AGPAT3: variants seen among roughly 807,000 people sequenced by gnomAD.
The protein encoded by AGPAT3 is 1-acyl-sn-glycerol-3-phosphate acyltransferase gamma.
A neutral mutation model predicts 47.3 loss-of-function variants in AGPAT3; 5 were observed. The observed-to-expected ratio is 0.11, with a 90% CI of 0.06 to 0.22. The LOEUF is 0.22. AGPAT3 is among the 10% of genes least tolerant of loss of function. The pLI is 1.00. For synonymous variants in AGPAT3, 212 were observed against 208.3 expected, an observed-to-expected ratio of 1.02 and a Z score of -0.15; for missense variants, 315 against 493.0, an observed-to-expected ratio of 0.64 and a Z score of 3.42.
chr21:43,889,069 A>C (rs745961558), intron 1 of AGPAT3, among the ~76,000 whole-genome samples: 8 of 152,058 alleles, frequency 5.3e-5, no homozygotes, highest in Non-Finnish European at 8.8e-5. Flanking sequence ...TATTTCTTTA[A>C]CTTTTAGATT....
intron 1 of AGPAT3, among the ~76,000 whole-genome samples, chr21:43,872,305 C>T (rs773073411): frequency 5.3e-5 from 8 of 151,976 alleles, no homozygotes; most frequent in African/African-American, 1.2e-4. Context: ...TTCAGCCTCC[C>T]GAGTAGCTGA....
intron 1 of AGPAT3, among the ~76,000 whole-genome samples, chr21:43,898,224 C>A (rs1289713419): frequency 6.6e-6 from 1 of 152,218 alleles, no homozygotes; most frequent in Non-Finnish European, 1.5e-5. Context: ...TTAAATGTAG[C>A]TGCAGATATT....
At chr21:43,866,439 C>G (rs1569036030) in intron 1 of AGPAT3, among the ~76,000 whole-genome samples, 1 of 152,148 alleles carries the variant, frequency 6.6e-6, no homozygotes. Flanking sequence ...GATCCTGCAG[C>G]TTTTAAATTG....
chr21:43,980,065 G>A (rs1280913794), intron 8 of AGPAT3, among the ~76,000 whole-genome samples: 5 of 152,012 alleles, frequency 3.3e-5, no homozygotes, highest in South Asian at 2.1e-4. Flanking sequence ...GGTGGATCAC[G>A]AGATCAGGAG....
intron 7 of AGPAT3, among the ~76,000 whole-genome samples, chr21:43,972,867 G>T (rs2089455187): frequency 6.6e-6 from 1 of 152,226 alleles, no homozygotes; most frequent in Non-Finnish European, 1.5e-5. Flanking sequence ...GTGCGGAAAG[G>T]CAGGGCCCTC....
At position 43,922,559 on chromosome 21, in the gene AGPAT3, G is replaced by A. The variant is rs1464576220; in HGVS notation, c.-49+18540G>A. Among the ~76,000 whole-genome samples the A allele has an allele frequency of 6.6e-6, 1 of 152,214 alleles. No individual in the cohort carries two copies. Among genetic ancestry groups the A allele is most frequent in the Admixed American group, 6.5e-5 (1 of 15,290 alleles). ...TGTCCCTGGAAGAGAGGCCTGCATG[G>A]CAGGGGGCACAGAGACTCTGGGCCT... On this transcript the variant is annotated intron_variant, in intron 2 of 9. Transcript: ENST00000291572. The surrounding 1 kb of genome is among the most constrained non-coding windows in gnomAD (Gnocchi z 4.9).
chr21:43,921,632 T>A (rs1000607720), intron 2 of AGPAT3, among the ~76,000 whole-genome samples: 1 of 152,152 alleles, frequency 6.6e-6, no homozygotes, highest in East Asian at 1.9e-4. Flanking sequence ...TTCCTGCGGG[T>A]GAGACTCTGG....
At chr21:43,915,911 T>A (rs543035636) in intron 2 of AGPAT3, among the ~76,000 whole-genome samples, 9 of 152,320 alleles carry the variant, frequency 5.9e-5, no homozygotes, top group African/African-American at 2.2e-4. Flanking sequence ...TTTCTAAAGA[T>A]GTAAAGTAAT....
rs1368772309 is a variant in AGPAT3, at chr21:43,908,082, G to T, written c.-49+4063G>T. Among the ~76,000 whole-genome samples the T allele has an allele frequency of 6.6e-6, 1 of 152,238 alleles. No individual in the cohort carries two copies. The highest frequency in any genetic ancestry group is 1.5e-5 in the Non-Finnish European group (1 of 68,038). On this transcript the variant is annotated intron_variant, in intron 2 of 9. Coordinates refer to ENST00000291572, the MANE Select transcript of AGPAT3 (RefSeq NM_020132.5). This position sits in a 1 kb window ranked among gnomAD's most constrained non-coding sequence, Gnocchi z 4.9. ...CCAGGGACGCTTTCTCTTTCCGTGT[G>T]CTGGAAGACCTGAATGCTTCAGAGC...
intron 7 of AGPAT3, among the ~76,000 whole-genome samples, chr21:43,974,417 TGTG>T (rs138349604): frequency 0.087 from 13,081 of 150,238 alleles, 593 homozygotes; most frequent in Middle Eastern, 0.12. Flanking sequence ...AAATTATATT[TGTG>T]GTGTGTGTTG....
intron 2 of AGPAT3, among the ~76,000 whole-genome samples, chr21:43,951,578 A>G (rs1252755907): frequency 6.6e-6 from 1 of 152,186 alleles, no homozygotes; most frequent in Non-Finnish European, 1.5e-5. Flanking sequence ...AGCTCTGCCC[A>G]GCTCCTGCCC....
At chr21:43,928,315 C>T (rs1408808235) in intron 2 of AGPAT3, among the ~76,000 whole-genome samples, 2 of 152,220 alleles carry the variant, frequency 1.3e-5, no homozygotes, top group African/African-American at 2.4e-5. Flanking sequence ...TGCTCAGAAA[C>T]GCTGACACAG....
At chr21:43,910,071 C>T (rs931010580) in intron 2 of AGPAT3, among the ~76,000 whole-genome samples, 3 of 152,172 alleles carry the variant, frequency 2.0e-5, no homozygotes, top group Non-Finnish European at 4.4e-5. Flanking sequence ...CAGCGTGACC[C>T]GTGGCTGGGA....
At chr21:43,937,200 CCA>C (rs1160731831) in intron 2 of AGPAT3, among the ~76,000 whole-genome samples, 2 of 152,212 alleles carry the variant, frequency 1.3e-5, no homozygotes, top group East Asian at 3.9e-4. Context: ...ACAGGGGTAC[CCA>C]TGAGTGACTT....
chr21:43,947,564 G>C (rs2087955034), intron 2 of AGPAT3, among the ~76,000 whole-genome samples: 2 of 152,236 alleles, frequency 1.3e-5, no homozygotes, highest in Non-Finnish European at 2.9e-5. Context: ...TTGATTCTGA[G>C]ATGAGATTGT....
At chr21:43,971,588 C>A in intron 7 of AGPAT3, 98 bp downstream of exon 7, 1 of 1,105,178 alleles carries the variant, frequency 9.0e-7, no homozygotes, top group Non-Finnish European at 1.4e-6. Context: ...GGCCCCACGT[C>A]CCACAGCCCC....
rs895209154 is a variant in AGPAT3, at chr21:43,970,598, C to T, written c.511-55C>T. The T allele has an allele frequency of 1.3e-6, 2 of 1,590,746 alleles. No homozygotes were observed. The highest frequency in any genetic ancestry group is 1.3e-5 in the African/African-American group (1 of 74,186). On this transcript the variant is annotated intron_variant, in intron 5 of 9. Transcript: ENST00000291572. This position sits in a 1 kb window ranked among gnomAD's most constrained non-coding sequence, Gnocchi z 5.8. ...GTCAGAGAGGCAGGCCTGGCCTGGA[C>T]ATGCACCCACCCCAGCTGCTCTGTG...
intron 1 of AGPAT3, among the ~76,000 whole-genome samples, chr21:43,888,392 G>A (rs1291870447): frequency 1.7e-5 from 1 of 58,366 alleles, no homozygotes; most frequent in Non-Finnish European, 3.0e-5. Context: ...AATTGTTTTT[G>A]TGTAGGATAT....
chr21:43,887,486 CCTTACT>C (rs1047140645), intron 1 of AGPAT3, among the ~76,000 whole-genome samples: 9 of 152,084 alleles, frequency 5.9e-5, no homozygotes, highest in Non-Finnish European at 1.0e-4. Flanking sequence ...ATGAAGAAGG[CCTTACT>C]CTTAGCAGAG....
Sources: gnomAD v4.1 joint callset for allele counts (sites outside exome capture counted in the v4.1 genomes callset) on GRCh38, gnomAD v4.1.1 for gene constraint, Gnocchi (gnomAD v3.1) non-coding constraint, MANE v1.5 for transcripts, NCBI Gene and HGNC (gene_info 2026-07-23, HGNC 2026-07-21) for gene names.